The following THEM5 variants were observed in gnomAD, a reference collection of about 807,000 sequenced individuals.
THEM5 encodes thioesterase superfamily member 5.
THEM5 carries 28 observed loss-of-function variants against 24.2 expected under a neutral mutation model. That is an observed-to-expected ratio of 1.16 (90% CI 0.86 to 1.59). THEM5 has a LOEUF of 1.59. Among genes scored for constraint, THEM5 ranks in the 40% most tolerant of loss-of-function variants. THEM5 has a pLI of 0.00. For synonymous variants in THEM5, 87 were observed against 114.5 expected, an observed-to-expected ratio of 0.76 and a Z score of 1.53; for missense variants, 260 against 296.8, an observed-to-expected ratio of 0.88 and a Z score of 0.91.
At chr1:151,847,979 C>CTCGAGGA (rs1652994176) in intron 4 of THEM5, 117 bp from the exon 5 acceptor site, 11 of 1,539,822 alleles carry the variant, frequency 7.1e-6, no homozygotes, top group Non-Finnish European at 9.6e-6. Flanking sequence ...CAGAAGTGGC[C>CTCGAGGA]CTGGGCTCAG....
At chr1:151,849,076 C>T (rs747261325) in intron 3 of THEM5, among the ~76,000 whole-genome samples, 37 of 151,946 alleles carry the variant, frequency 2.4e-4, no homozygotes, top group Non-Finnish European at 3.8e-4. Context: ...AAAAATTAGA[C>T]GGGTGTGGTG....
intron 2 of THEM5, 102 bp downstream of exon 2, chr1:151,852,156 A>G (rs906247784): frequency 1.1e-5 from 13 of 1,190,194 alleles, no homozygotes; most frequent in Admixed American, 7.1e-5. Flanking sequence ...GACAGCAGGA[A>G]GAACTCGCTG....
intron 4 of THEM5, 100 bp from the exon 5 acceptor site, chr1:151,847,962 G>A (rs959541126): frequency 1.0e-5 from 16 of 1,564,380 alleles, no homozygotes; most frequent in Middle Eastern, 2.1e-4. Flanking sequence ...TCCCGGCCTC[G>A]AGGACTCAGA....
chr1:151,851,755 T>C (rs1347189345), intron 2 of THEM5, among the ~76,000 whole-genome samples: 1 of 152,096 alleles, frequency 6.6e-6, no homozygotes, highest in Admixed American at 6.6e-5. Flanking sequence ...GAGATACACA[T>C]GCGTGCACAC....
At chr1:151,852,201 G>A in intron 2 of THEM5, 57 bp downstream of exon 2, 1 of 1,566,700 alleles carries the variant, frequency 6.4e-7, no homozygotes, top group South Asian at 1.1e-5. Context: ...TTGCTTCTCA[G>A]TCTTAGAACA....
In THEM5 at chr1:151,852,414, G is replaced by A. The variant is rs1203575803; in HGVS notation, c.169C>T (p.Leu57Phe). 1.2e-6 allele frequency: 2 copies of A among 1,614,182 alleles called. No individual in the cohort carries two copies. The highest frequency in any genetic ancestry group is 1.7e-6 in the Non-Finnish European group (2 of 1,180,038). ...TCCGAACACCAGCTGGCATTGGGAA[G>A]AGCATAATCCTTCAAGTCTGTCTTC... ...PEKTDLKDYA[L>F]PNASWCSDML... is the part of the protein sequence containing the mutation. The change falls in exon 2 of 6, where the codon CTT becomes TTT. Residue 57 changes from leucine to phenylalanine, a missense_variant. By Grantham distance (22) the Leu-to-Phe change is conservative. Transcript: ENST00000368817.
At chr1:151,848,418 G>A in intron 3 of THEM5, 126 bp from the exon 4 acceptor site, 2 of 710,128 alleles carry the variant, frequency 2.8e-6, no homozygotes, top group Admixed American at 2.6e-5. Context: ...TCCAAACACA[G>A]ACGTTCAGCC....
Position 151,852,249 on chromosome 1 carries a change from T to C in THEM5, c.325+9A>G, listed in dbSNP as rs886691562. Reference sequence around the variant, plus strand: ...GCTGGGGTGTGTGTACTCATGGTCCTGTCCTTACCTGAGGAAACTGCCAGT... The same window carrying C: ...GCTGGGGTGTGTGTACTCATGGTCCCGTCCTTACCTGAGGAAACTGCCAGT... On this transcript the variant is annotated intron_variant, in intron 2 of 5. Transcript: ENST00000368817. The C allele has an allele frequency of 6.2e-7, 1 of 1,612,758 alleles. No individual in the cohort carries two copies. Among genetic ancestry groups the C allele is most frequent in the South Asian group, 1.1e-5 (1 of 91,010 alleles).
chr1:151,851,036 C>T lies in THEM5; in HGVS notation c.464+17G>A. On this transcript the variant is annotated intron_variant, in intron 3 of 5. Transcript: ENST00000368817. The stretch of plus-strand genomic sequence containing the variant: ...GCCAAGCCCAGGAGGCAGCCAAGGT[C>T]CTACCAGTGACCTTACCCTGGGGGC... The T allele has an allele frequency of 6.2e-7, 1 of 1,613,890 alleles. No homozygotes were observed. The highest frequency in any genetic ancestry group is 8.5e-7 in the Non-Finnish European group (1 of 1,179,912).
chr1:151,847,238 AGG>A lies in THEM5; in HGVS notation c.*131_*132del. 1.0e-5 allele frequency: 1 copy of A among 99,616 alleles called. No homozygotes were observed. Among genetic ancestry groups the A allele is most frequent in the African/African-American group, 1.0e-4 (1 of 9,944 alleles). 6.2% of individuals were successfully genotyped at this position (99,616 alleles called of 1,614,324 possible). On this transcript the variant is annotated 3_prime_UTR_variant, in exon 6 of 6. Coordinates refer to ENST00000368817, the MANE Select transcript of THEM5 (RefSeq NM_182578.4). ...GCAGGAGGCAGGAGGCAGGCAGGGGAGGCAGGAGGCAGGAGGCAGGCAGGGGA... is the reference window on the plus strand; with the variant it reads ...GCAGGAGGCAGGAGGCAGGCAGGGGACAGGAGGCAGGAGGCAGGCAGGGGA...
intron 1 of THEM5, 76 bp downstream of exon 1, chr1:151,853,367 A>G (rs1027309203): frequency 6.6e-7 from 1 of 1,521,470 alleles, no homozygotes; most frequent in African/African-American, 1.4e-5. Context: ...TGGGCTGGGA[A>G]GAGGAGATTT....
chr1:151,851,590 T>C (rs1280780590), intron 2 of THEM5, among the ~76,000 whole-genome samples: 1 of 152,140 alleles, frequency 6.6e-6, no homozygotes, highest in Non-Finnish European at 1.5e-5. Context: ...CAGCTACCAC[T>C]ACTACATCCT....
intron 3 of THEM5, 46 bp from the exon 4 acceptor site, chr1:151,848,338 T>C: frequency 6.8e-7 from 1 of 1,470,538 alleles, no homozygotes; most frequent in Non-Finnish European, 9.5e-7. Context: ...CTGGGGCTGC[T>C]GGGCAGACCC....
chr1:151,853,299 C>G (rs1239163156), intron 1 of THEM5, 144 bp downstream of exon 1: 1 of 1,113,782 alleles, frequency 9.0e-7, no homozygotes, highest in Non-Finnish European at 1.2e-6. Context: ...TATCCCAGAG[C>G]ACTTTCTCTT....
intron 4 of THEM5, 145 bp from the exon 5 acceptor site, chr1:151,848,007 C>T (rs1652995199): frequency 6.7e-7 from 1 of 1,495,078 alleles, no homozygotes; most frequent in South Asian, 1.3e-5. Context: ...TTGTCAGCTC[C>T]CAAAGTTGGA....
chr1:151,849,756 T>C (rs1291791585), intron 3 of THEM5, among the ~76,000 whole-genome samples: 1 of 152,208 alleles, frequency 6.6e-6, no homozygotes, highest in Non-Finnish European at 1.5e-5. Flanking sequence ...CTGGCCAGCC[T>C]GGGGACCCAT....
Position 151,853,498 on chromosome 1 carries a change from C to CG in THEM5, c.67dup (p.Arg23ProfsTer56). 1.2e-6 allele frequency: 2 copies of CG among 1,613,666 alleles called. No homozygotes were observed. The highest frequency in any genetic ancestry group is 2.2e-5 in the South Asian group (2 of 91,018). ...GGCAGGGTTGAGTCTGGGCAGGATACGGGGGGCCTCAAGAAGGCCTCTGTG... is the reference window on the plus strand; with the variant it reads ...GGCAGGGTTGAGTCTGGGCAGGATACGGGGGGGCCTCAAGAAGGCCTCTGTG... On this transcript the variant is annotated frameshift_variant, in exon 1 of 6. Coordinates refer to ENST00000368817, the MANE Select transcript of THEM5 (RefSeq NM_182578.4). LOFTEE classifies it high-confidence loss of function.
intron 4 of THEM5, 45 bp downstream of exon 4, chr1:151,848,137 A>G (rs1163449933): frequency 6.3e-7 from 1 of 1,592,770 alleles, no homozygotes; most frequent in Non-Finnish European, 8.6e-7. Context: ...TCCAGGGATG[A>G]AAAGGTCTGT....
At chr1:151,851,028 G>A (rs1036786572) in intron 3 of THEM5, 25 bp downstream of exon 3, 3 of 1,613,638 alleles carry the variant, frequency 1.9e-6, no homozygotes, top group Non-Finnish European at 2.5e-6. Context: ...CCAGGAGGCA[G>A]CCAAGGTCCT....
Sources: gnomAD v4.1 joint callset for allele counts (sites outside exome capture counted in the v4.1 genomes callset) on GRCh38, gnomAD v4.1.1 for gene constraint, MANE v1.5 for transcripts, NCBI Gene and HGNC (gene_info 2026-07-23, HGNC 2026-07-21) for gene names.